Variants in ARHGEF9 observed in about 807,000 individuals in gnomAD.
ARHGEF9 encodes Cdc42 guanine nucleotide exchange factor 9.
In ARHGEF9, 2 loss-of-function variants were observed where a neutral mutation model predicts 41.3. That is an observed-to-expected ratio of 0.05 (90% CI 0.02 to 0.15). ARHGEF9 has a LOEUF of 0.15. Ranked by LOEUF, ARHGEF9 falls within the 10% of genes least tolerant of loss-of-function variation. The probability of loss-of-function intolerance (pLI) is 1.00; values close to 1 mark genes in which losing one functional copy is unlikely to be tolerated. For missense variants in ARHGEF9, 225 were observed against 424.7 expected (o/e 0.53, Z 4.13); for synonymous variants, 160 against 154.4 (o/e 1.04, Z -0.27).
At chrX:63,660,910 C>A (rs1407210229) in intron 7 of ARHGEF9, among the ~76,000 whole-genome samples, 1 of 111,541 alleles carries the variant, frequency 9.0e-6, no homozygotes, top group African/African-American at 3.3e-5. Context: ...AAGGAGATTG[C>A]CTTCTAGTCT....
intron 6 of ARHGEF9, 59 bp downstream of exon 6, chrX:63,673,979 T>A: frequency 8.4e-7 from 1 of 1,190,952 alleles, no homozygotes; most frequent in Non-Finnish European, 1.1e-6. Context: ...TTAGCTAAGA[T>A]GGGAAGCTTT....
intron 4 of ARHGEF9, among the ~76,000 whole-genome samples, chrX:63,696,782 T>A (rs1260872032): frequency 1.8e-4 from 20 of 110,991 alleles, no homozygotes; most frequent in African/African-American, 5.9e-4. Context: ...AGAAGGAGAA[T>A]CCTAGGTTGC....
At chrX:63,755,036 G>A in intron 1 of ARHGEF9, 1 of 938,657 alleles carries the variant, frequency 1.1e-6, no homozygotes, top group Non-Finnish European at 1.3e-6. Flanking sequence ...GTTTTCCTAA[G>A]CTTGCTCGCT....
At chrX:63,754,270 G>A (rs2055837666) in intron 1 of ARHGEF9, 2 of 1,196,504 alleles carry the variant, frequency 1.7e-6, no homozygotes, top group African/African-American at 3.5e-5. Context: ...TAAAAGACAA[G>A]ACACGACAAA....
intron 1 of ARHGEF9, among the ~76,000 whole-genome samples, chrX:63,776,253 G>A (rs1317486329): frequency 1.8e-5 from 2 of 111,170 alleles, no homozygotes; most frequent in African/African-American, 6.6e-5. Context: ...GGTAACCCTA[G>A]GGTTCAGAGC....
intron 4 of ARHGEF9, 142 bp from the exon 5 acceptor site, chrX:63,678,714 T>C: frequency 2.1e-6 from 1 of 475,879 alleles, no homozygotes; most frequent in Non-Finnish European, 3.6e-6. Context: ...GATTCATAAT[T>C]TAATAATAAA....
At chrX:63,761,417 C>T (rs1302712508) in intron 1 of ARHGEF9, among the ~76,000 whole-genome samples, 9 of 111,617 alleles carry the variant, frequency 8.1e-5, no homozygotes, top group Non-Finnish European at 1.5e-4. Flanking sequence ...GTGCTTAGCA[C>T]TCAATAAATA....
intron 1 of ARHGEF9, among the ~76,000 whole-genome samples, chrX:63,767,844 C>T (rs782355529): frequency 2.2e-4 from 25 of 112,308 alleles, no homozygotes; most frequent in African/African-American, 8.1e-4. Flanking sequence ...TATGGTGTTA[C>T]ACACCTGGTT....
At chrX:63,735,294 C>A (rs180802102) in intron 1 of ARHGEF9, among the ~76,000 whole-genome samples, 1 of 111,092 alleles carries the variant, frequency 9.0e-6, no homozygotes, top group East Asian at 2.8e-4. Context: ...TCCTGGACTA[C>A]GACTTGAAGC....
At chrX:63,767,107 T>C (rs1485542644) in intron 1 of ARHGEF9, 1 of 985,446 alleles carries the variant, frequency 1.0e-6, no homozygotes, top group Non-Finnish European at 1.4e-6. Flanking sequence ...TCTCTAGCAG[T>C]GAACACTTTC....
At chrX:63,698,204 CAT>C (rs1304665008) in intron 3 of ARHGEF9, among the ~76,000 whole-genome samples, 7 of 108,417 alleles carry the variant, frequency 6.5e-5, no homozygotes, top group African/African-American at 1.0e-4. Context: ...ACACCTAACA[CAT>C]GTGTCTTAAA....
intron 4 of ARHGEF9, among the ~76,000 whole-genome samples, chrX:63,691,046 C>A (rs1187175511): frequency 9.0e-6 from 1 of 111,317 alleles, no homozygotes; most frequent in Non-Finnish European, 1.9e-5. Flanking sequence ...GGAAAAAAAT[C>A]AAAAGCCTTT....
At chrX:63,752,089 G>A (rs782029313) in intron 1 of ARHGEF9, among the ~76,000 whole-genome samples, 2 of 111,306 alleles carry the variant, frequency 1.8e-5, no homozygotes, top group African/African-American at 3.3e-5. Context: ...AAACCCCTTC[G>A]CTTAAACTTG....
At chrX:63,651,759 C>CA (rs2048558333) in intron 8 of ARHGEF9, among the ~76,000 whole-genome samples, 1 of 110,232 alleles carries the variant, frequency 9.1e-6, no homozygotes, top group Non-Finnish European at 1.9e-5. Flanking sequence ...ACTCAAAAGA[C>CA]AAAAAACAGA....
chrX:63,674,314 C>T (rs1252322709), intron 5 of ARHGEF9, 147 bp from the exon 6 acceptor site: 3 of 617,806 alleles, frequency 4.9e-6, no homozygotes, highest in African/African-American at 2.2e-5. Flanking sequence ...CTAAAGACTA[C>T]ATTTTCTATC....
At chrX:63,722,054 A>G (rs2053662845) in intron 2 of ARHGEF9, among the ~76,000 whole-genome samples, 1 of 112,323 alleles carries the variant, frequency 8.9e-6, no homozygotes, top group Admixed American at 9.4e-5. Flanking sequence ...GTAACAAAGC[A>G]TTTTTACAAG....
At position 63,635,296 on chromosome X, in the gene ARHGEF9, G is replaced by T. The variant is rs1392877308; in HGVS notation, c.*2732C>A. 5.8e-6 allele frequency: 3 copies of T among 515,142 alleles called. No homozygotes were observed. The highest frequency in any genetic ancestry group is 7.1e-6 in the Non-Finnish European group (2 of 283,590). 42.5% of individuals were successfully genotyped at this position (515,142 alleles called of 1,213,427 possible). On this transcript the variant is annotated 3_prime_UTR_variant, in exon 10 of 10. Transcript: ENST00000671741. ...ATACACATAGAGAGGGGGGGAAAAA[G>T]AGAGAATAATTAGATGTCTGTCTTA... is the stretch of plus-strand genomic sequence containing the variant.
chrX:63,637,359 A>G lies in ARHGEF9; in HGVS notation c.*669T>C, dbSNP rs2047359128. On this transcript the variant is annotated 3_prime_UTR_variant, in exon 10 of 10. Coordinates refer to ENST00000671741, the MANE Select transcript of ARHGEF9 (RefSeq NM_001353921.2). ...ATACTGAGCAGTTTTGTCACAGGGC[A>G]CAACAGAGCATGTCCAGACTGGCAT... 6.7e-6 allele frequency: 2 copies of G among 296,725 alleles called. 1 individual carries two copies. Among genetic ancestry groups the G allele is most frequent in the Admixed American group, 1.2e-4 (2 of 16,400 alleles). 24.5% of individuals were successfully genotyped at this position (296,725 alleles called of 1,213,427 possible). A position where few individuals can be genotyped will look rare whatever the true frequency, so the allele number is the denominator to read the frequency against.
At position 63,724,532 on chromosome X, in the gene ARHGEF9, C is replaced by T; in HGVS notation, c.210G>A (p.Arg70=). 8.3e-7 allele frequency: 1 copy of T among 1,210,184 alleles called. No homozygotes were observed. The highest frequency in any genetic ancestry group is 1.1e-6 in the Non-Finnish European group (1 of 894,859). The change falls in exon 2 of 10, where the codon AGG becomes AGA. Residue 70 remains arginine, a splice_region_variant and synonymous_variant. Transcript: ENST00000671741. ...GAGGAGAGTGAAGACTGACACTCACCCTCACAAAGCTGGCAGGAAACCATC... is the reference window on the plus strand; with the variant it reads ...GAGGAGAGTGAAGACTGACACTCACTCTCACAAAGCTGGCAGGAAACCATC... ...EEGWFPASFV[R]LWVNQEDEVE...
Sources: gnomAD v4.1 joint callset for allele counts (sites outside exome capture counted in the v4.1 genomes callset) on GRCh38, gnomAD v4.1.1 for gene constraint, MANE v1.5 for transcripts, NCBI Gene and HGNC (gene_info 2026-07-23, HGNC 2026-07-21) for gene names.